Variants in GLIS3 observed in about 807,000 individuals in gnomAD.
GLIS3 encodes zinc finger protein GLIS3.
Under a neutral mutation model 78.6 loss-of-function variants are expected in GLIS3, and 53 were observed. That is an observed-to-expected ratio of 0.67 (90% CI 0.54 to 0.85). The LOEUF is 0.85. Among genes scored for constraint, GLIS3 ranks in the 40% least tolerant of loss-of-function variants. GLIS3 has a pLI of 0.00. For missense variants in GLIS3, 1,703 were observed against 1,231.1 expected, an observed-to-expected ratio of 1.38 and a Z score of -5.74; for synonymous variants, 684 against 509.9, an observed-to-expected ratio of 1.34 and a Z score of -4.60.
At chr9:3,895,587 T>A (rs1371649325) in intron 7 of GLIS3, among the ~76,000 whole-genome samples, 1 of 152,232 alleles carries the variant, frequency 6.6e-6, no homozygotes, top group Non-Finnish European at 1.5e-5. Flanking sequence ...TTTCAGGCAA[T>A]CCTTTCCAAT....
chr9:4,148,389 A>G (rs1834392839), intron 2 of GLIS3, among the ~76,000 whole-genome samples: 1 of 151,996 alleles, frequency 6.6e-6, no homozygotes, highest in Non-Finnish European at 1.5e-5. Flanking sequence ...CCATATTTCC[A>G]TCCTCAAAGA....
chr9:4,407,720 C>T, the GLIS3 span, among the ~76,000 whole-genome samples: 6 of 152,150 alleles, frequency 3.9e-5, no homozygotes, highest in African/African-American at 7.2e-5. Context: ...AAGAATTTAT[C>T]GAGTAATACC....
At chr9:4,054,590 C>G in intron 4 of GLIS3, 1 of 540,402 alleles carries the variant, frequency 1.9e-6, no homozygotes, top group Non-Finnish European at 2.4e-6. Context: ...AAGCTGCCTC[C>G]TTGACATTCA....
chr9:3,975,804 T>A (rs1286161702), intron 4 of GLIS3, among the ~76,000 whole-genome samples: 1 of 152,032 alleles, frequency 6.6e-6, no homozygotes, highest in Non-Finnish European at 1.5e-5. Flanking sequence ...ACAGAAAACA[T>A]CAAGAAATTC....
At chr9:4,426,487 G>C in the GLIS3 span, among the ~76,000 whole-genome samples, 1 of 152,132 alleles carries the variant, frequency 6.6e-6, no homozygotes, top group Non-Finnish European at 1.5e-5. Flanking sequence ...CCTACTCCTA[G>C]GACACCTCTT....
At chr9:3,879,397 C>G in intron 8 of GLIS3, 30 bp downstream of exon 8, 1 of 1,611,352 alleles carries the variant, frequency 6.2e-7, no homozygotes, top group Middle Eastern at 1.8e-4. Context: ...GCGGCGACAC[C>G]TATTAGGAGA....
intron 4 of GLIS3, among the ~76,000 whole-genome samples, chr9:3,963,602 G>A (rs1005838486): frequency 5.9e-5 from 9 of 152,188 alleles, no homozygotes; most frequent in African/African-American, 2.2e-4. Flanking sequence ...CAAATAAGAG[G>A]AAAATTAAGT....
In GLIS3 at chr9:4,195,330, C is replaced by T. The variant is rs114873198; in HGVS notation, c.389-69389G>A. 9.8e-3 allele frequency among the ~76,000 whole-genome samples: 1,493 copies of T among 152,106 alleles called. 25 individuals are homozygous for T. Among genetic ancestry groups the T allele is most frequent in the African/African-American group, 0.035 (1,433 of 41,500 alleles). On this transcript the variant is annotated intron_variant, in intron 2 of 10. Coordinates refer to ENST00000381971, the MANE Select transcript of GLIS3 (RefSeq NM_001042413.2). ...CGCGGGTGGGAACTGGGGCTGTGCA[C>T]GGTGCTCGCAGGCCAGCGCGAGTTC... is the stretch of plus-strand genomic sequence containing the variant.
chr9:4,184,914 T>G (rs543648542), intron 2 of GLIS3, among the ~76,000 whole-genome samples: 1 of 152,342 alleles, frequency 6.6e-6, no homozygotes, highest in South Asian at 2.1e-4. Context: ...CAGCCACAGT[T>G]GCTGACATAA....
chr9:3,856,030 G>T lies in GLIS3; in HGVS notation c.2452C>A (p.Pro818Thr), dbSNP rs768078379. The T allele has an allele frequency of 1.2e-6, 2 of 1,614,150 alleles. No homozygotes were observed. The highest frequency in any genetic ancestry group is 1.1e-5 in the South Asian group (1 of 91,090). ...YQPETNSSFQ[P>T]NGIHVHGFYG... ...TTACCATGGACATGGATACCATTTG[G>T]TTGAAAAGAAGAGTTTGTTTCTGGC... The change falls in exon 9 of 11, where the codon CCA becomes ACA. Residue 818 changes from proline (P) to threonine (T), a missense_variant. Transcript: ENST00000381971.
chr9:4,392,703 T>C, the GLIS3 span, among the ~76,000 whole-genome samples: 1 of 152,344 alleles, frequency 6.6e-6, no homozygotes, highest in Admixed American at 6.5e-5. Context: ...ACACCCTGTT[T>C]ATGACATTCT....
intron 2 of GLIS3, among the ~76,000 whole-genome samples, chr9:4,232,878 C>G (rs1472742155): frequency 6.6e-6 from 1 of 152,134 alleles, no homozygotes; most frequent in Non-Finnish European, 1.5e-5. Flanking sequence ...GGAACTTTGA[C>G]CATCCCAAAG....
intron 4 of GLIS3, among the ~76,000 whole-genome samples, chr9:3,984,360 C>T (rs1819552522): frequency 6.6e-6 from 1 of 152,238 alleles, no homozygotes; most frequent in Non-Finnish European, 1.5e-5. Context: ...CCTCTTGCAT[C>T]AGCATGACCT....
At chr9:4,392,774 A>G in the GLIS3 span, among the ~76,000 whole-genome samples, 1 of 152,210 alleles carries the variant, frequency 6.6e-6, no homozygotes, top group Admixed American at 6.5e-5. Context: ...ACCTCAGAGT[A>G]GCCCTATTCT....
At chr9:4,280,164 C>G (rs1009275370) in intron 2 of GLIS3, among the ~76,000 whole-genome samples, 7 of 152,264 alleles carry the variant, frequency 4.6e-5, no homozygotes, top group African/African-American at 1.7e-4. Flanking sequence ...CGTCAACAGG[C>G]ACATGCCAAC....
At chr9:3,980,176 C>T (rs1159653252) in intron 4 of GLIS3, among the ~76,000 whole-genome samples, 2 of 152,138 alleles carry the variant, frequency 1.3e-5, no homozygotes, top group Non-Finnish European at 2.9e-5. Context: ...AGGTCTGCTG[C>T]TTAAAAAGAA....
At chr9:4,189,866 C>T (rs913699500) in intron 2 of GLIS3, among the ~76,000 whole-genome samples, 4 of 152,006 alleles carry the variant, frequency 2.6e-5, no homozygotes, top group Non-Finnish European at 4.4e-5. Context: ...TTCCTTCATC[C>T]TTTTATTATG....
the GLIS3 span, among the ~76,000 whole-genome samples, chr9:4,377,243 G>A: frequency 2.2e-5 from 3 of 135,496 alleles, no homozygotes; most frequent in East Asian, 6.6e-4. Flanking sequence ...CCAACTGGCT[G>A]CCAGCGCATC....
At chr9:4,437,458 A>G in the GLIS3 span, among the ~76,000 whole-genome samples, 1 of 151,630 alleles carries the variant, frequency 6.6e-6, no homozygotes, top group Admixed American at 6.6e-5. Flanking sequence ...CTATCTATCT[A>G]TCTATCTATC....
Sources: gnomAD v4.1 joint callset for allele counts (sites outside exome capture counted in the v4.1 genomes callset) on GRCh38, gnomAD v4.1.1 for gene constraint, MANE v1.5 for transcripts, NCBI Gene and HGNC (gene_info 2026-07-23, HGNC 2026-07-21) for gene names.